AUTS2: variants seen among roughly 807,000 people sequenced by gnomAD.
The protein encoded by AUTS2 is activator of transcription and developmental regulator AUTS2, also known as autism susceptibility gene 2 protein.
In AUTS2, 17 loss-of-function variants were observed where a neutral mutation model predicts 112.4. The observed-to-expected ratio is 0.15, with a 90% CI of 0.10 to 0.23. The LOEUF is 0.23. AUTS2 is among the 10% of genes least tolerant of loss of function. AUTS2 has a pLI of 1.00. For synonymous variants in AUTS2, 751 were observed against 702.7 expected (o/e 1.07, Z -1.09); for missense variants, 1,510 against 1,701.6 (o/e 0.89, Z 1.98).
intron 6 of AUTS2, among the ~76,000 whole-genome samples, chr7:70,758,565 A>G (rs1422468793): frequency 2.0e-5 from 3 of 152,212 alleles, no homozygotes; most frequent in African/African-American, 7.2e-5. Context: ...TTGAATTTGC[A>G]TGTATTTTAG....
At position 70,118,127 on chromosome 7, in the gene AUTS2, T is replaced by TCTA; in HGVS notation, c.523-5_523-4insCTA. On this transcript the variant is annotated splice_polypyrimidine_tract_variant and splice_region_variant and intron_variant, in intron 2 of 18. Transcript: ENST00000342771. ...TTCCTTTTTTCTCTTTTCTTTTGCCTTTAGCTCAAGCCAGGACAGAACAGC... is the reference window on the plus strand; with the variant it reads ...TTCCTTTTTTCTCTTTTCTTTTGCCTCTATTAGCTCAAGCCAGGACAGAACAGC... The TCTA allele has an allele frequency of 1.3e-6, 2 of 1,578,582 alleles. No individual in the cohort carries two copies. Among genetic ancestry groups the TCTA allele is most frequent in the Non-Finnish European group, 8.6e-7 (1 of 1,169,134 alleles).
chr7:70,579,260 A>T (rs1209070054), intron 5 of AUTS2, among the ~76,000 whole-genome samples: 4 of 149,616 alleles, frequency 2.7e-5, no homozygotes. Context: ...AAAAAAAAAA[A>T]AAGATGAAGG....
At chr7:69,792,583 A>G (rs949722948) in intron 1 of AUTS2, among the ~76,000 whole-genome samples, 1 of 152,138 alleles carries the variant, frequency 6.6e-6, no homozygotes, top group African/African-American at 2.4e-5. Context: ...CACAGTAGAC[A>G]TTGATACAGA....
At chr7:69,667,397 A>C (rs1411930101) in intron 1 of AUTS2, among the ~76,000 whole-genome samples, 9 of 138,046 alleles carry the variant, frequency 6.5e-5, no homozygotes, top group Non-Finnish European at 1.2e-4. Flanking sequence ...TCTGTCGCCC[A>C]GGCTGGAGTG....
intron 4 of AUTS2, among the ~76,000 whole-genome samples, chr7:70,269,862 G>A (rs1224016414): frequency 6.6e-6 from 1 of 152,142 alleles, no homozygotes; most frequent in East Asian, 1.9e-4. Context: ...CTCCTATAAT[G>A]TGTGAAATTG....
chr7:69,708,569 T>C (rs1047663430), intron 1 of AUTS2, among the ~76,000 whole-genome samples: 1 of 152,210 alleles, frequency 6.6e-6, no homozygotes, highest in Non-Finnish European at 1.5e-5. Flanking sequence ...GTGCTACATA[T>C]TATGTCCACA....
intron 5 of AUTS2, among the ~76,000 whole-genome samples, chr7:70,577,829 T>C (rs1802238583): frequency 6.9e-6 from 1 of 144,644 alleles, no homozygotes; most frequent in Non-Finnish European, 1.5e-5. Flanking sequence ...ATTTTTTTCT[T>C]TATTTTTTTT....
At position 70,662,804 on chromosome 7, in the gene AUTS2, A is replaced by G. The variant is rs534681883; in HGVS notation, c.691-35765A>G. On this transcript the variant is annotated intron_variant, in intron 5 of 18. Transcript: ENST00000342771. ...CAGGGTTGGGAGTTAGGCACAGGGC[A>G]TGGTGGGAAAGAAGTCTTGCTGGGT... Among the ~76,000 whole-genome samples the G allele has an allele frequency of 2.6e-5, 4 of 152,294 alleles. No individual in the cohort carries two copies. The South Asian group carries it at 6.2e-4, about 24-fold the overall frequency.
intron 1 of AUTS2, among the ~76,000 whole-genome samples, chr7:69,740,942 G>A (rs1787238382): frequency 6.6e-6 from 1 of 152,116 alleles, no homozygotes. Flanking sequence ...ATTTAAAGTG[G>A]CGATGGGCTT....
At chr7:70,158,452 A>G (rs1807900077) in intron 4 of AUTS2, among the ~76,000 whole-genome samples, 1 of 152,210 alleles carries the variant, frequency 6.6e-6, no homozygotes, top group Admixed American at 6.5e-5. Context: ...TGTGGCAGTG[A>G]TTTATAGAGA....
At chr7:70,316,374 C>G (rs1412522399) in intron 4 of AUTS2, among the ~76,000 whole-genome samples, 40 of 151,130 alleles carry the variant, frequency 2.6e-4, no homozygotes, top group Admixed American at 2.6e-3. Context: ...CTCCTTCCAG[C>G]CATTGCTGAT....
chr7:70,790,814 A>G lies in AUTS2; in HGVS notation c.3598A>G (p.Thr1200Ala), dbSNP rs755137821. 6.3e-7 allele frequency: 1 copy of G among 1,595,956 alleles called. No individual in the cohort carries two copies. The highest frequency in any genetic ancestry group is 1.4e-5 in the African/African-American group (1 of 72,398). Residue 1200 changes from threonine to alanine, a missense_variant, in exon 19 of 19, where the codon ACC (threonine) becomes GCC (alanine). Around this residue, in one of 3 missense-constraint regions of AUTS2, gnomAD observed 788 missense variants for 797.6 expected, o/e 0.99. Coordinates refer to ENST00000342771, the MANE Select transcript of AUTS2 (RefSeq NM_015570.4). This position sits in a 1 kb window ranked among gnomAD's most constrained non-coding sequence, Gnocchi z 7.6. ...CATGCACTATCCCCGCATCAGCCCC[A>G]CCGCGGGCAACCAGAACGGACTCCT... is the stretch of plus-strand genomic sequence containing the variant. The part of the protein sequence containing the change: ...PSMHYPRISP[T>A]AGNQNGLLNK...
intron 1 of AUTS2, among the ~76,000 whole-genome samples, chr7:69,828,338 T>C (rs182799212): frequency 6.6e-6 from 1 of 152,328 alleles, no homozygotes; most frequent in African/African-American, 2.4e-5. Context: ...CTGGTTGTTG[T>C]CTGCATGTGG....
chr7:70,148,103 A>G (rs1234448742), intron 4 of AUTS2, among the ~76,000 whole-genome samples: 2 of 152,032 alleles, frequency 1.3e-5, no homozygotes, highest in Non-Finnish European at 2.9e-5. Context: ...TTAAATGAGC[A>G]TTACTCACAA....
intron 1 of AUTS2, among the ~76,000 whole-genome samples, chr7:69,849,254 A>T (rs1161502146): frequency 6.6e-6 from 1 of 152,208 alleles, no homozygotes; most frequent in East Asian, 1.9e-4. Context: ...GTGACCTTCA[A>T]CAAGTTATAT....
intron 2 of AUTS2, among the ~76,000 whole-genome samples, chr7:70,020,945 A>G (rs1481626582): frequency 6.6e-6 from 1 of 152,174 alleles, no homozygotes; most frequent in Non-Finnish European, 1.5e-5. Flanking sequence ...TGTTGGGATT[A>G]TAGGCATGAG....
intron 2 of AUTS2, among the ~76,000 whole-genome samples, chr7:70,015,820 G>A (rs1049123788): frequency 6.5e-5 from 9 of 138,312 alleles, no homozygotes; most frequent in Non-Finnish European, 1.4e-4. Flanking sequence ...TTTTTTTTTA[G>A]CATCCAGTGG....
chr7:69,986,740 A>C (rs1798529051), intron 2 of AUTS2, among the ~76,000 whole-genome samples: 1 of 152,180 alleles, frequency 6.6e-6, no homozygotes, highest in Non-Finnish European at 1.5e-5. Context: ...TTAAGGACTT[A>C]ATTATTACCA....
chr7:70,645,062 A>G (rs1806074467), intron 5 of AUTS2, among the ~76,000 whole-genome samples: 1 of 152,142 alleles, frequency 6.6e-6, no homozygotes, highest in African/African-American at 2.4e-5. Flanking sequence ...TTTCTGTGCT[A>G]TTACCAAGAT....
Sources: allele counts gnomAD v4.1 joint callset (sites outside exome capture counted in the v4.1 genomes callset), GRCh38; gene constraint gnomAD v4.1.1; regional missense constraint gnomAD v4.1.1; non-coding constraint Gnocchi (gnomAD v3.1); transcripts MANE v1.5; gene names NCBI Gene and HGNC (gene_info 2026-07-23, HGNC 2026-07-21).